SORCS1: variants seen among roughly 807,000 people sequenced by gnomAD.
SORCS1 encodes the protein VPS10 domain-containing receptor SorCS1.
In SORCS1, 60 loss-of-function variants were observed where a neutral mutation model predicts 146.1. The observed-to-expected ratio is 0.41, with a 90% CI of 0.33 to 0.51. SORCS1 has a LOEUF of 0.51. SORCS1 is among the 20% of genes least tolerant of loss of function. SORCS1 has a pLI of 0.21. For synonymous variants in SORCS1, 637 were observed against 584.0 expected, an observed-to-expected ratio of 1.09 and a Z score of -1.31; for missense variants, 1,352 against 1,487.6, an observed-to-expected ratio of 0.91 and a Z score of 1.50.
chr10:106,969,748 G>A (rs780864471), intron 1 of SORCS1, among the ~76,000 whole-genome samples: 2 of 152,134 alleles, frequency 1.3e-5, no homozygotes, highest in African/African-American at 2.4e-5. Context: ...AATGCTTTCC[G>A]ATTCCACCCT....
At chr10:107,065,447 CTTTT>C (rs1961696544) in intron 1 of SORCS1, among the ~76,000 whole-genome samples, 2 of 122,762 alleles carry the variant, frequency 1.6e-5, no homozygotes, top group Admixed American at 8.3e-5. Context: ...TTCTTTCTTT[CTTTT>C]CTCTCTTTCT....
At chr10:106,978,520 C>T (rs1956126980) in intron 1 of SORCS1, among the ~76,000 whole-genome samples, 1 of 152,090 alleles carries the variant, frequency 6.6e-6, no homozygotes, top group Non-Finnish European at 1.5e-5. Context: ...TAAATAGTGG[C>T]CGGGCATGGT....
chr10:106,994,638 G>T (rs1296935846), intron 1 of SORCS1, among the ~76,000 whole-genome samples: 1 of 152,182 alleles, frequency 6.6e-6, no homozygotes, highest in Non-Finnish European at 1.5e-5. Flanking sequence ...TTTCTGCCCT[G>T]AAGTAAAAGT....
intron 1 of SORCS1, among the ~76,000 whole-genome samples, chr10:107,128,038 A>T (rs1966811088): frequency 1.3e-5 from 2 of 152,246 alleles, no homozygotes; most frequent in Non-Finnish European, 2.9e-5. Flanking sequence ...ACTGGAACTC[A>T]GGAGGATCTC....
At chr10:106,724,840 CAA>C (rs1337986040) in intron 6 of SORCS1, among the ~76,000 whole-genome samples, 2 of 152,144 alleles carry the variant, frequency 1.3e-5, no homozygotes, top group African/African-American at 4.8e-5. Flanking sequence ...ATTTCTGGTT[CAA>C]AGTCAAAAAC....
At chr10:106,909,598 AG>A (rs557788457) in intron 2 of SORCS1, among the ~76,000 whole-genome samples, 132 of 152,348 alleles carry the variant, frequency 8.7e-4, no homozygotes, top group African/African-American at 3.1e-3. Flanking sequence ...CTGTCTAAGT[AG>A]GGGGTGGTGG....
chr10:106,620,223 T>C, intron 20 of SORCS1: 1 of 513,984 alleles, frequency 1.9e-6, no homozygotes, highest in Non-Finnish European at 3.2e-6. Flanking sequence ...AAGGCAGAGA[T>C]GAAATGCAGA....
In SORCS1 at chr10:106,709,344, GAAAAACAAAAAC is replaced by G. The variant is rs747607204; in HGVS notation, c.1025-15_1025-4del. The G allele has an allele frequency of 3.1e-6, 5 of 1,602,540 alleles. No individual in the cohort carries two copies. Among genetic ancestry groups the G allele is most frequent in the East Asian group, 2.2e-5 (1 of 44,674 alleles). On this transcript the variant is annotated splice_polypyrimidine_tract_variant and splice_region_variant and intron_variant, in intron 6 of 25. Coordinates refer to ENST00000263054, the MANE Select transcript of SORCS1 (RefSeq NM_052918.5). ...TCGGCAAGTTAGATAATGTGAATCT[GAAAAACAAAAAC>G]AAAAACAAAAACATGGGGTTGAGGG...
chr10:106,639,709 G>A (rs574756656), intron 18 of SORCS1, among the ~76,000 whole-genome samples: 2 of 152,264 alleles, frequency 1.3e-5, no homozygotes, highest in Admixed American at 1.3e-4. Context: ...AAGGCTCATC[G>A]AAATCAGCTT....
At chr10:106,810,008 G>A (rs1351028515) in intron 3 of SORCS1, among the ~76,000 whole-genome samples, 1 of 152,210 alleles carries the variant, frequency 6.6e-6, no homozygotes, top group Non-Finnish European at 1.5e-5. Context: ...ATCACCTGCG[G>A]TCAGGGGTTC....
rs547944194 is a variant in SORCS1, at chr10:107,145,264, G to C, written c.558+18705C>G. On this transcript the variant is annotated intron_variant, in intron 1 of 25. Coordinates refer to ENST00000263054, the MANE Select transcript of SORCS1 (RefSeq NM_052918.5). Reference sequence around the variant, plus strand: ...GTTTGTTAAACTACCAGGAATTCTAGAAAAAGCGAATGTGACTGAATTAAA... The same window carrying C: ...GTTTGTTAAACTACCAGGAATTCTACAAAAAGCGAATGTGACTGAATTAAA... Among the ~76,000 whole-genome samples, 5 of 152,252 alleles carry C rather than the reference G, an allele frequency of 3.3e-5. No individual in the cohort carries two copies. In the South Asian group the frequency reaches 8.3e-4, roughly 25 times the overall value.
intron 1 of SORCS1, among the ~76,000 whole-genome samples, chr10:107,121,686 A>C (rs1021976132): frequency 6.6e-6 from 1 of 152,200 alleles, no homozygotes; most frequent in South Asian, 2.1e-4. Context: ...TTTAGAGACA[A>C]GATAAAACTG....
At chr10:107,155,816 C>T (rs1590262407) in intron 1 of SORCS1, among the ~76,000 whole-genome samples, 2 of 152,198 alleles carry the variant, frequency 1.3e-5, no homozygotes, top group South Asian at 2.1e-4. Context: ...TCTATTGGTT[C>T]CAGGGCACAA....
chr10:106,993,195 C>G (rs1956846874), intron 1 of SORCS1, among the ~76,000 whole-genome samples: 1 of 151,830 alleles, frequency 6.6e-6, no homozygotes, highest in Non-Finnish European at 1.5e-5. Flanking sequence ...AGTCAACATT[C>G]TAAGCAACTC....
chr10:107,135,037 C>T (rs1464099049), intron 1 of SORCS1, among the ~76,000 whole-genome samples: 1 of 152,068 alleles, frequency 6.6e-6, no homozygotes, highest in African/African-American at 2.4e-5. Context: ...AACACAGGGC[C>T]TAACACATAA....
At chr10:106,843,749 C>T (rs34661799) in intron 2 of SORCS1, among the ~76,000 whole-genome samples, 7,305 of 152,146 alleles carry the variant, frequency 0.048, 447 homozygotes, top group East Asian at 0.23. Context: ...TTTCCTTTTT[C>T]TAAGGTTGAA....
chr10:106,719,067 C>G (rs1221802457), intron 6 of SORCS1, among the ~76,000 whole-genome samples: 1 of 152,184 alleles, frequency 6.6e-6, no homozygotes, highest in Non-Finnish European at 1.5e-5. Context: ...CCAGCTTCAC[C>G]TCTCATGTCC....
At chr10:106,740,350 G>A (rs1177815381) in intron 5 of SORCS1, among the ~76,000 whole-genome samples, 1 of 152,010 alleles carries the variant, frequency 6.6e-6, no homozygotes, top group Non-Finnish European at 1.5e-5. Flanking sequence ...TTAACACCAG[G>A]CATGGCAGAT....
chr10:107,065,509 TC>T (rs1453905210), intron 1 of SORCS1, among the ~76,000 whole-genome samples: 2 of 127,400 alleles, frequency 1.6e-5, no homozygotes, highest in African/African-American at 5.8e-5. Flanking sequence ...TCTCCTCTCC[TC>T]TCTTTCTTTC....
Sources: gnomAD v4.1 joint callset for allele counts (sites outside exome capture counted in the v4.1 genomes callset) on GRCh38, gnomAD v4.1.1 for gene constraint, MANE v1.5 for transcripts, NCBI Gene and HGNC (gene_info 2026-07-23, HGNC 2026-07-21) for gene names.